Variants in GAN observed in about 807,000 individuals in gnomAD.
The protein encoded by GAN is epididymis secretory sperm binding protein.
GAN carries 48 observed loss-of-function variants against 71.3 expected under a neutral mutation model. The ratio of observed to expected loss-of-function variants is 0.67; its 90% CI spans 0.53 to 0.86. GAN has a LOEUF of 0.86. Among genes scored for constraint, GAN ranks in the 40% least tolerant of loss-of-function variants. GAN has a pLI of 0.00. For synonymous variants in GAN, 386 were observed against 276.8 expected (o/e 1.39, Z -3.92); for missense variants, 928 against 770.1 (o/e 1.21, Z -2.43).
rs1597385631 is a variant in GAN, at chr16:81,315,142, C to G, written c.29C>G (p.Pro10Arg). The G allele has an allele frequency of 2.0e-6, 3 of 1,536,876 alleles. No individual in the cohort carries two copies. The highest frequency in any genetic ancestry group is 1.7e-6 in the Non-Finnish European group (2 of 1,143,328). MAEGSAVSD[P>R]QHAARLLRAL... Reference sequence around the variant, plus strand: ...GCTGAGGGCAGTGCCGTGTCTGACCCTCAGCACGCCGCGCGTCTGCTGCGA... The same window carrying G: ...GCTGAGGGCAGTGCCGTGTCTGACCGTCAGCACGCCGCGCGTCTGCTGCGA... Residue 10 changes from proline (P) to arginine (R), a missense_variant, in exon 1 of 11, where the codon CCT becomes CGT. By Grantham distance (103) the Pro-to-Arg change is moderately radical. Coordinates refer to ENST00000648994, the MANE Select transcript of GAN (RefSeq NM_022041.4).
intron 2 of GAN, among the ~76,000 whole-genome samples, chr16:81,351,984 G>T (rs1370599930): frequency 6.6e-6 from 1 of 152,168 alleles, no homozygotes; most frequent in Non-Finnish European, 1.5e-5. Flanking sequence ...ATGGGATGCT[G>T]CCCTGACTGC....
chr16:81,376,580 T>C (rs1192765562), intron 9 of GAN, among the ~76,000 whole-genome samples: 4 of 150,914 alleles, frequency 2.7e-5, no homozygotes, highest in African/African-American at 9.7e-5. Context: ...TATATGTGTA[T>C]ATATGTATGT....
chr16:81,377,550 T>G lies in GAN; in HGVS notation c.1748T>G (p.Leu583Arg), dbSNP rs766504625. The change falls in exon 11 of 11, where the codon CTG (leucine) becomes CGG (arginine). Residue 583 changes from leucine (L) to arginine (R), a missense_variant. Leu to Arg is a moderately radical substitution (Grantham distance 102). Transcript: ENST00000648994. Reference sequence around the variant, plus strand: ...ATTGCGAATTGCAAGCTTTTCCGCCTGCAGCTTCAGCAAGGCTTATTCCGT... The same window carrying G: ...ATTGCGAATTGCAAGCTTTTCCGCCGGCAGCTTCAGCAAGGCTTATTCCGT... Reference protein sequence around the residue: ...LRIANCKLFRLQLQQGLFRIR... With the variant: ...LRIANCKLFRRQLQQGLFRIR... 3 of 1,614,244 alleles carry G rather than the reference T, an allele frequency of 1.9e-6. No homozygotes were observed. Among genetic ancestry groups the G allele is most frequent in the Non-Finnish European group, 2.5e-6 (3 of 1,180,042 alleles).
chr16:81,381,009 C>T lies in GAN; in HGVS notation c.*3413C>T, dbSNP rs1294743182. The T allele has an allele frequency of 6.6e-6, 1 of 152,122 alleles. No individual in the cohort carries two copies. 9.4% of individuals were successfully genotyped at this position (152,122 alleles called of 1,614,324 possible). A position where few individuals can be genotyped will look rare whatever the true frequency, so the allele number is the denominator to read the frequency against. ...GTAAACACTTTGTTATATTGCACTA[C>T]CACTTTAATGATGACACTTCCTTCA... On this transcript the variant is annotated 3_prime_UTR_variant, in exon 11 of 11. Coordinates refer to ENST00000648994, the MANE Select transcript of GAN (RefSeq NM_022041.4).
At chr16:81,320,625 G>C (rs1387941596) in intron 1 of GAN, among the ~76,000 whole-genome samples, 1 of 152,212 alleles carries the variant, frequency 6.6e-6, no homozygotes, top group Non-Finnish European at 1.5e-5. Flanking sequence ...TAAGGATCTT[G>C]AATAGTGATT....
In GAN at chr16:81,385,164, A is replaced by G. The variant is rs982299213; in HGVS notation, c.*7568A>G. The G allele has an allele frequency of 1.3e-5, 2 of 152,182 alleles. No homozygotes were observed. Among genetic ancestry groups the G allele is most frequent in the Admixed American group, 6.5e-5 (1 of 15,270 alleles). 9.4% of individuals were successfully genotyped at this position (152,182 alleles called of 1,614,324 possible). A position where few individuals can be genotyped will look rare whatever the true frequency, so the allele number is the denominator to read the frequency against. Reference sequence around the variant, plus strand: ...TTTCAGAGTAAAGGGCTTGCTTTCAATAGTAGAATGACAAAGCTTCTCCTC... The same window carrying G: ...TTTCAGAGTAAAGGGCTTGCTTTCAGTAGTAGAATGACAAAGCTTCTCCTC... On this transcript the variant is annotated 3_prime_UTR_variant, in exon 11 of 11. Transcript: ENST00000648994.
At chr16:81,323,376 G>A (rs538323823) in intron 1 of GAN, among the ~76,000 whole-genome samples, 86 of 152,276 alleles carry the variant, frequency 5.6e-4, no homozygotes, top group African/African-American at 2.0e-3. Context: ...GGGTGCTTGA[G>A]CAAAAGAGGT....
Position 81,379,535 on chromosome 16 carries a change from A to T in GAN, c.*1939A>T, listed in dbSNP as rs1904295106. On this transcript the variant is annotated 3_prime_UTR_variant, in exon 11 of 11. Transcript: ENST00000648994. Reference sequence around the variant, plus strand: ...CTGTTGTCTGCACATTTTCGTAGTGACAGTGTGGAGATCTTTTTAATGAAA... The same window carrying T: ...CTGTTGTCTGCACATTTTCGTAGTGTCAGTGTGGAGATCTTTTTAATGAAA... The T allele has an allele frequency of 1.3e-5, 2 of 152,230 alleles. No individual in the cohort carries two copies. Among genetic ancestry groups the T allele is most frequent in the African/African-American group, 4.8e-5 (2 of 41,460 alleles). The allele number at this position is 152,230 out of a possible 1,614,324, so 9.4% of individuals were successfully genotyped here. A position where few individuals can be genotyped will look rare whatever the true frequency, so the allele number is the denominator to read the frequency against.
At chr16:81,373,883 CAG>C (rs555524900) in intron 9 of GAN, among the ~76,000 whole-genome samples, 220 of 152,314 alleles carry the variant, frequency 1.4e-3, no homozygotes, top group African/African-American at 5.0e-3. Flanking sequence ...GCTGGGACTA[CAG>C]GCACGTGCCA....
At chr16:81,356,268 AT>A in intron 3 of GAN, among the ~76,000 whole-genome samples, 1 of 152,160 alleles carries the variant, frequency 6.6e-6, no homozygotes, top group Non-Finnish European at 1.5e-5. Flanking sequence ...CGTCTTAGAT[AT>A]TTTTGAACAG....
intron 1 of GAN, among the ~76,000 whole-genome samples, chr16:81,351,113 G>T (rs376776037): frequency 6.6e-6 from 1 of 152,216 alleles, no homozygotes; most frequent in Non-Finnish European, 1.5e-5. Context: ...CATAGGATTT[G>T]GGATAATGGT....
At chr16:81,330,930 G>C (rs368401454) in intron 1 of GAN, among the ~76,000 whole-genome samples, 268 of 152,292 alleles carry the variant, frequency 1.8e-3, no homozygotes, top group African/African-American at 6.2e-3. Context: ...TAAACAGGCA[G>C]GCATGGTGGT....
chr16:81,324,759 G>T (rs1056547526), intron 1 of GAN, among the ~76,000 whole-genome samples: 1 of 152,200 alleles, frequency 6.6e-6, no homozygotes, highest in East Asian at 1.9e-4. Context: ...TATCTTACGG[G>T]CTATGGATGG....
At position 81,390,700 on chromosome 16, in the gene GAN, A is replaced by G. The variant is rs957358550; in HGVS notation, c.*13104A>G. On this transcript the variant is annotated 3_prime_UTR_variant, in exon 11 of 11. Transcript: ENST00000648994. ...ATGCTAAAGTAATTTTGTTTTATGTATTGGAAGTTCACTTAAAAACTTGAA... is the reference window on the plus strand; with the variant it reads ...ATGCTAAAGTAATTTTGTTTTATGTGTTGGAAGTTCACTTAAAAACTTGAA... The G allele has an allele frequency of 6.6e-6, 1 of 152,226 alleles. No individual in the cohort carries two copies. The highest frequency in any genetic ancestry group is 2.4e-5 in the African/African-American group (1 of 41,470). The allele number at this position is 152,226 out of a possible 1,614,324, so 9.4% of individuals were successfully genotyped here.
intron 1 of GAN, among the ~76,000 whole-genome samples, chr16:81,321,292 TATTATG>T (rs1460930910): frequency 1.3e-5 from 2 of 152,226 alleles, no homozygotes; most frequent in East Asian, 3.8e-4. Flanking sequence ...CGAGGATTGT[TATTATG>T]AGTAATAGTA....
Position 81,315,166 on chromosome 16 carries a change from G to A in GAN, c.53G>A (p.Arg18Gln). The A allele has an allele frequency of 2.6e-6, 4 of 1,558,932 alleles. No homozygotes were observed. The highest frequency in any genetic ancestry group is 3.5e-6 in the Non-Finnish European group (4 of 1,154,980). ...SDPQHAARLL[R>Q]ALSSFREESR... ...CCTCAGCACGCCGCGCGTCTGCTGCGAGCGCTCAGCTCTTTCCGCGAGGAG... is the reference window on the plus strand; with the variant it reads ...CCTCAGCACGCCGCGCGTCTGCTGCAAGCGCTCAGCTCTTTCCGCGAGGAG... Residue 18 changes from arginine (R) to glutamine (Q), a missense_variant, in exon 1 of 11, where the codon CGA becomes CAA. Transcript: ENST00000648994.
intron 1 of GAN, among the ~76,000 whole-genome samples, chr16:81,320,607 G>T (rs1167100024): frequency 6.6e-6 from 1 of 152,204 alleles, no homozygotes; most frequent in Non-Finnish European, 1.5e-5. Context: ...GCTCCCGAAT[G>T]ATTGTCATAA....
intron 2 of GAN, 53 bp downstream of exon 2, chr16:81,351,750 G>C: frequency 2.4e-6 from 2 of 832,558 alleles, no homozygotes; most frequent in South Asian, 1.3e-5. Context: ...CTCAAGCTCA[G>C]GGTGAGGGTC....
Position 81,357,691 on chromosome 16 carries a change from C to T in GAN, c.852-119C>T, listed in dbSNP as rs1982553. ...CCTGAGGAATCGTCACACTGACTTCCACAAGGGTTTTTAAAAAATGTTTTA... is the reference window on the plus strand; with the variant it reads ...CCTGAGGAATCGTCACACTGACTTCTACAAGGGTTTTTAAAAAATGTTTTA... On this transcript the variant is annotated intron_variant, in intron 4 of 10. Coordinates refer to ENST00000648994, the MANE Select transcript of GAN (RefSeq NM_022041.4). The T allele has an allele frequency of 4.6e-4, 456 of 985,106 alleles. 1 individual carries two copies. In the African/African-American group the frequency reaches 6.5e-3, roughly 14 times the overall value. The allele number at this position is 985,106 out of a possible 1,614,324, so 61.0% of individuals were successfully genotyped here.
Sources: gnomAD v4.1 joint callset for allele counts (sites outside exome capture counted in the v4.1 genomes callset) on GRCh38, gnomAD v4.1.1 for gene constraint, MANE v1.5 for transcripts, NCBI Gene and HGNC (gene_info 2026-07-23, HGNC 2026-07-21) for gene names.